Variants in OR52N1 observed in about 807,000 individuals in gnomAD.
OR52N1 encodes the protein olfactory receptor family 52 subfamily N member 1, also known as olfactory receptor 52N1.
Under a neutral mutation model 13.9 loss-of-function variants are expected in OR52N1, and 11 were observed. The ratio of observed to expected loss-of-function variants is 0.79; its 90% CI spans 0.50 to 1.31. The LOEUF is 1.31. Ranked by LOEUF, OR52N1 falls within the 40% of genes most tolerant of loss-of-function variation. OR52N1 has a pLI of 0.00. For synonymous variants in OR52N1, 142 were observed against 143.7 expected (o/e 0.99, Z 0.08); for missense variants, 414 against 397.7 (o/e 1.04, Z -0.35).
rs1854627660 is a variant in OR52N1, at chr11:5,788,854, A to G, written c.-38T>C. On this transcript the variant is annotated 5_prime_UTR_variant, in exon 2 of 2. An upstream start codon of the reference 5' UTR is lost. Transcript: ENST00000641645. Reference sequence around the variant, plus strand: ...AAGTTCATTGTATAGCAGTTATAGCATTGCCTCTGTGAGCAGGAAATAAAA... The same window carrying G: ...AAGTTCATTGTATAGCAGTTATAGCGTTGCCTCTGTGAGCAGGAAATAAAA... 1 of 1,515,980 alleles carries G rather than the reference A, an allele frequency of 6.6e-7. No individual in the cohort carries two copies. The highest frequency in any genetic ancestry group is 8.8e-7 in the Non-Finnish European group (1 of 1,141,052). 93.9% of individuals were successfully genotyped at this position (1,515,980 alleles called of 1,614,324 possible). A position where few individuals can be genotyped will look rare whatever the true frequency, so the allele number is the denominator to read the frequency against.
Position 5,788,035 on chromosome 11 carries a change from A to T in OR52N1, c.782T>A (p.Phe261Tyr). 1 of 1,158,358 alleles carries T rather than the reference A, an allele frequency of 8.6e-7. No individual in the cohort carries two copies. Among genetic ancestry groups the T allele is most frequent in the African/African-American group, 2.0e-5 (1 of 50,812 alleles). 71.8% of individuals were successfully genotyped at this position (1,158,358 alleles called of 1,614,324 possible). ...GTGTCCCCCAAAATGGTGTGTAAAG[A>T]AGGTAAAGAAGGCTGGAACATAGGT... ...VLTYVPAFFTFFTHHFGGHTI... is the reference protein window; with the variant it reads ...VLTYVPAFFTYFTHHFGGHTI... The change falls in exon 2 of 2, where the codon TTC becomes TAC. Residue 261 changes from phenylalanine (F) to tyrosine (Y), a missense_variant. Physicochemically the swap from Phe to Tyr is conservative, Grantham distance 22. Coordinates refer to ENST00000641645, the MANE Select transcript of OR52N1 (RefSeq NM_001001913.2).
intron 1 of OR52N1, among the ~76,000 whole-genome samples, chr11:5,790,817 C>T (rs1415650152): frequency 6.6e-6 from 1 of 151,928 alleles, no homozygotes; most frequent in African/African-American, 2.4e-5. Context: ...ATTTAAGTTC[C>T]TTAAAGATCT....
chr11:5,789,132 A>G (rs1854630663), intron 1 of OR52N1, among the ~76,000 whole-genome samples: 1 of 152,164 alleles, frequency 6.6e-6, no homozygotes, highest in African/African-American at 2.4e-5. Context: ...CCATGAACTG[A>G]ACAACTCTGT....
Position 5,788,643 on chromosome 11 carries a change from G to A in OR52N1, c.174C>T (p.His58=). The A allele has an allele frequency of 6.2e-7, 1 of 1,614,054 alleles. No homozygotes were observed. Among genetic ancestry groups the A allele is most frequent in the Non-Finnish European group, 8.5e-7 (1 of 1,179,960 alleles). The stretch of plus-strand genomic sequence containing the variant: ...GGGCAAGGAAGACATACATAGGTCT[G>A]TGTAAGGCCTCATCACAGTAGATGA... ...MYLIYCDEAL[H]RPMYVFLALL... is the part of the protein sequence containing the mutation. The change falls in exon 2 of 2, where the codon CAC becomes CAT. Residue 58 remains histidine, a synonymous_variant. Transcript: ENST00000641645.
In OR52N1 at chr11:5,786,528, T is replaced by C. The variant is rs1275151311; in HGVS notation, c.*1326A>G. 2 of 130,740 alleles carry C rather than the reference T, an allele frequency of 1.5e-5. 1 individual carries two copies. The highest frequency in any genetic ancestry group is 5.6e-5 in the African/African-American group (2 of 35,604). 8.1% of individuals were successfully genotyped at this position (130,740 alleles called of 1,614,324 possible). On this transcript the variant is annotated 3_prime_UTR_variant, in exon 2 of 2. Coordinates refer to ENST00000641645, the MANE Select transcript of OR52N1 (RefSeq NM_001001913.2). ...ATGAGTGAGAACATGCAGTGTTTGG[T>C]TTTTTGTCCTTGCGATAGTTTGCTG...
chr11:5,789,559 T>A (rs1248678349), intron 1 of OR52N1, among the ~76,000 whole-genome samples: 1 of 152,100 alleles, frequency 6.6e-6, no homozygotes, highest in African/African-American at 2.4e-5. Context: ...AAGATTACAG[T>A]CTAGTCTAAT....
chr11:5,787,672 T>C lies in OR52N1; in HGVS notation c.*182A>G, dbSNP rs1854606972. ...TATAGTAAAAAGGCTTTAAAGAACA[T>C]GGAATAACATAAGAGAGGGTATTTA... On this transcript the variant is annotated 3_prime_UTR_variant, in exon 2 of 2. Coordinates refer to ENST00000641645, the MANE Select transcript of OR52N1 (RefSeq NM_001001913.2). The C allele has an allele frequency of 1.8e-6, 1 of 549,212 alleles. No homozygotes were observed. The highest frequency in any genetic ancestry group is 3.1e-6 in the Non-Finnish European group (1 of 323,906). The allele number at this position is 549,212 out of a possible 1,614,324, so 34.0% of individuals were successfully genotyped here.
chr11:5,789,658 A>C (rs1015855320), intron 1 of OR52N1, among the ~76,000 whole-genome samples: 4 of 152,154 alleles, frequency 2.6e-5, no homozygotes, highest in Non-Finnish European at 5.9e-5. Flanking sequence ...AGTGCTTTAT[A>C]TTCTACCCAT....
Position 5,787,757 on chromosome 11 carries a change from A to C in OR52N1, c.*97T>G. ...GTAGAGTAATCCGAGTATCATAAAAATATTCCTGTGGCCAGATTTCTGGTG... is the reference window on the plus strand; with the variant it reads ...GTAGAGTAATCCGAGTATCATAAAACTATTCCTGTGGCCAGATTTCTGGTG... On this transcript the variant is annotated 3_prime_UTR_variant, in exon 2 of 2. Coordinates refer to ENST00000641645, the MANE Select transcript of OR52N1 (RefSeq NM_001001913.2). 1.9e-6 allele frequency: 2 copies of C among 1,070,794 alleles called. No individual in the cohort carries two copies. The highest frequency in any genetic ancestry group is 2.6e-6 in the Non-Finnish European group (2 of 754,990). 66.3% of individuals were successfully genotyped at this position (1,070,794 alleles called of 1,614,324 possible).
chr11:5,790,412 T>C (rs1215404187), intron 1 of OR52N1, among the ~76,000 whole-genome samples: 1 of 151,932 alleles, frequency 6.6e-6, no homozygotes, highest in African/African-American at 2.4e-5. Context: ...ACAGAAAAAA[T>C]TCTTTTCTCT....
chr11:5,788,092 G>C lies in OR52N1; in HGVS notation c.725C>G (p.Thr242Ser), dbSNP rs762046289. 1.9e-6 allele frequency: 3 copies of C among 1,614,024 alleles called. No homozygotes were observed. In the Admixed American group the frequency reaches 5.0e-5, roughly 27 times the overall value. ...SADARQKAFS[T>S]CTAHFCAIVL... is the part of the protein sequence containing the mutation. ...TATGGCACAGAAGTGGGCAGTGCAG[G>C]TGCTGAAGGCCTTCTGTCGAGCATC... The change falls in exon 2 of 2, where the codon ACC (threonine) becomes AGC (serine). Residue 242 changes from threonine (T) to serine (S), a missense_variant. Physicochemically the swap from Thr to Ser is moderately conservative, Grantham distance 58. Transcript: ENST00000641645.
In OR52N1 at chr11:5,787,807, T is replaced by G. The variant is rs951947786; in HGVS notation, c.*47A>C. On this transcript the variant is annotated 3_prime_UTR_variant, in exon 2 of 2. Coordinates refer to ENST00000641645, the MANE Select transcript of OR52N1 (RefSeq NM_001001913.2). ...GTCATTTAAAGAGCTCCCTATTGAC[T>G]TGGTGATCTCAACCTGGCTAAGAAA... 2 of 1,395,862 alleles carry G rather than the reference T, an allele frequency of 1.4e-6. No homozygotes were observed. The highest frequency in any genetic ancestry group is 1.9e-6 in the Non-Finnish European group (2 of 1,039,148). The allele number at this position is 1,395,862 out of a possible 1,614,324, so 86.5% of individuals were successfully genotyped here.
In OR52N1 at chr11:5,788,536, A is replaced by G. The variant is rs1854621979; in HGVS notation, c.281T>C (p.Ile94Thr). The G allele has an allele frequency of 1.9e-6, 3 of 1,613,910 alleles. No individual in the cohort carries two copies. The highest frequency in any genetic ancestry group is 1.6e-4 in the Middle Eastern group (1 of 6,082). Residue 94 changes from isoleucine (I) to threonine (T), a missense_variant, in exon 2 of 2, where the codon ATT becomes ACT. Physicochemically the swap from Ile to Thr is moderately conservative, Grantham distance 89. Coordinates refer to ENST00000641645, the MANE Select transcript of OR52N1 (RefSeq NM_001001913.2). Reference sequence around the variant, plus strand: ...CTGGGCGAGGCAGGCTTTAAAATCAATCTCCTTGAGATTAAACCACAATAT... The same window carrying G: ...CTGGGCGAGGCAGGCTTTAAAATCAGTCTCCTTGAGATTAAACCACAATAT... ...LFILWFNLKEIDFKACLAQMF... is the reference protein window; with the variant it reads ...LFILWFNLKETDFKACLAQMF...
chr11:5,790,071 A>C (rs1423874526), intron 1 of OR52N1, among the ~76,000 whole-genome samples: 4 of 152,106 alleles, frequency 2.6e-5, no homozygotes, highest in African/African-American at 9.7e-5. Context: ...AAAACTAAGT[A>C]GGCTTTCTAA....
At chr11:5,788,939 G>T in intron 1 of OR52N1, 79 bp from the exon 2 acceptor site, 1 of 1,071,684 alleles carries the variant, frequency 9.3e-7, no homozygotes, top group Non-Finnish European at 1.3e-6. Context: ...TGGCTATTTT[G>T]TTTTCCTTGT....
At chr11:5,789,059 C>CATTT in intron 1 of OR52N1, among the ~76,000 whole-genome samples, 199 bp from the exon 2 acceptor site, 1 of 152,152 alleles carries the variant, frequency 6.6e-6, no homozygotes, top group East Asian at 1.9e-4. Flanking sequence ...CTAGTCAGTA[C>CATTT]ATTTGGACCT....
rs1447443871 is a variant in OR52N1 at position 5,786,931 on chromosome 11, A to G, written c.*923T>C. ...CAGTTTTCATAGGAAGCAAGAAAGA[A>G]ATGTCTCACAGCTTAGGGAGGTGAG... On this transcript the variant is annotated 3_prime_UTR_variant, in exon 2 of 2. Transcript: ENST00000641645. 1 of 140,526 alleles carries G rather than the reference A, an allele frequency of 7.1e-6. No individual in the cohort carries two copies. The highest frequency in any genetic ancestry group is 2.6e-5 in the African/African-American group (1 of 38,392). The allele number at this position is 140,526 out of a possible 1,614,324, so 8.7% of individuals were successfully genotyped here. A position where few individuals can be genotyped will look rare whatever the true frequency, so the allele number is the denominator to read the frequency against.
chr11:5,788,999 CTGTCTGGGTGTGTGCCT>C (rs1854629490), intron 1 of OR52N1, 139 bp from the exon 2 acceptor site: 1 of 671,420 alleles, frequency 1.5e-6, no homozygotes, highest in Non-Finnish European at 2.5e-6. Context: ...GATATATACA[CTGTCTGGGTGTGTGCCT>C]TAAGCATTAG....
chr11:5,789,717 GA>G (rs1174458433), intron 1 of OR52N1, among the ~76,000 whole-genome samples: 1 of 151,948 alleles, frequency 6.6e-6, no homozygotes, highest in Non-Finnish European at 1.5e-5. Context: ...TTAAAATAAA[GA>G]ATATTTTTAT....
Sources: allele counts gnomAD v4.1 joint callset (sites outside exome capture counted in the v4.1 genomes callset), GRCh38; gene constraint gnomAD v4.1.1; transcripts MANE v1.5; gene names NCBI Gene and HGNC (gene_info 2026-07-23, HGNC 2026-07-21).